Variants in ZFR observed in about 807,000 individuals in gnomAD.
ZFR encodes the protein zinc finger RNA binding protein, also known as zinc finger RNA-binding protein.
In ZFR, 19 loss-of-function variants were observed where a neutral mutation model predicts 130.7. The ratio of observed to expected loss-of-function variants is 0.15; its 90% CI spans 0.10 to 0.21. The LOEUF (loss-of-function observed/expected upper bound fraction) is 0.21, where lower values mean the gene tolerates loss of function less well. ZFR is among the 10% of genes least tolerant of loss of function. The pLI is 1.00. For synonymous variants in ZFR, 466 were observed against 456.9 expected, an observed-to-expected ratio of 1.02 and a Z score of -0.25; for missense variants, 872 against 1,321.5, an observed-to-expected ratio of 0.66 and a Z score of 5.27.
intron 17 of ZFR, among the ~76,000 whole-genome samples, chr5:32,372,344 G>T (rs1416912203): frequency 6.6e-6 from 1 of 152,138 alleles, no homozygotes; most frequent in Admixed American, 6.5e-5. Context: ...TTCATTAATT[G>T]TAACAAACAT....
chr5:32,390,114 C>T lies in ZFR; in HGVS notation c.2142+161G>A, dbSNP rs537728749. Among the ~76,000 whole-genome samples, 226 of 152,354 alleles carry T rather than the reference C, an allele frequency of 1.5e-3. 2 individuals are homozygous for T. Among genetic ancestry groups the T allele is most frequent in the African/African-American group, 5.1e-3 (211 of 41,582 alleles). On this transcript the variant is annotated intron_variant, in intron 12 of 19. Transcript: ENST00000265069. ...TACGTGCAGTGAGCCGAGATCACGC[C>T]ACTGCACTCCAGCCTGGGCGACAGA...
chr5:32,415,279 A>G, intron 4 of ZFR, 92 bp from the exon 5 acceptor site: 1 of 1,108,324 alleles, frequency 9.0e-7, no homozygotes. Flanking sequence ...GAATAGGTAC[A>G]AACATCATTA....
rs773113887 is a variant in ZFR, at chr5:32,380,071, G to A, written c.2739+4C>T. The stretch of plus-strand genomic sequence containing the variant: ...CAAGAAAAAAGTAAAATGATGTTCC[G>A]AACCTGGAACCACTTAGCGTGGCGT... On this transcript the variant is annotated splice_donor_region_variant and intron_variant, in intron 16 of 19. Transcript: ENST00000265069. 1.4e-5 allele frequency: 22 copies of A among 1,612,448 alleles called. No individual in the cohort carries two copies. Among genetic ancestry groups the A allele is most frequent in the Non-Finnish European group, 1.9e-5 (22 of 1,178,724 alleles).
intron 2 of ZFR, among the ~76,000 whole-genome samples, chr5:32,438,747 T>C (rs1308942981): frequency 6.6e-6 from 1 of 150,844 alleles, no homozygotes; most frequent in Non-Finnish European, 1.5e-5. Flanking sequence ...TATAAATATA[T>C]GATAGATATT....
chr5:32,387,848 A>G (rs1561879691), intron 13 of ZFR, 149 bp from the exon 14 acceptor site: 30 of 719,666 alleles, frequency 4.2e-5, no homozygotes, highest in Non-Finnish European at 6.4e-5. Context: ...TTTTAGAACT[A>G]TACTTCATTT....
chr5:32,379,387 G>T, intron 16 of ZFR, 177 bp from the exon 17 acceptor site: 1 of 636,872 alleles, frequency 1.6e-6, no homozygotes. Flanking sequence ...GCCAGGGTTA[G>T]TATTTAAAAG....
At chr5:32,444,582 G>T (rs1754563738) in intron 1 of ZFR, 40 bp downstream of exon 1, 3 of 1,457,568 alleles carry the variant, frequency 2.1e-6, no homozygotes, top group Non-Finnish European at 2.7e-6. Flanking sequence ...GGGCCAGGGA[G>T]GGGGCCGGGC....
intron 3 of ZFR, 54 bp from the exon 4 acceptor site, chr5:32,417,846 A>G (rs1455713758): frequency 7.6e-6 from 12 of 1,574,324 alleles, no homozygotes; most frequent in Non-Finnish European, 1.0e-5. Flanking sequence ...GAAGGAAAAA[A>G]ATACTTACTG....
rs542202662 is a variant in ZFR at position 32,357,117 on chromosome 5, G to A, written c.3046-1178C>T. On this transcript the variant is annotated intron_variant, in intron 19 of 19. Transcript: ENST00000265069. Reference sequence around the variant, plus strand: ...TCTCACTCAGCCTCCCGAGTAGCCAGGAACACAGGCTCACACCAACACACC... The same window carrying A: ...TCTCACTCAGCCTCCCGAGTAGCCAAGAACACAGGCTCACACCAACACACC... Among the ~76,000 whole-genome samples the A allele has an allele frequency of 5.9e-5, 9 of 151,864 alleles. No individual in the cohort carries two copies. In the East Asian group the frequency reaches 1.7e-3, roughly 30 times the overall value.
chr5:32,357,346 A>G (rs1398775981), intron 19 of ZFR, among the ~76,000 whole-genome samples: 1 of 152,006 alleles, frequency 6.6e-6, no homozygotes, highest in Non-Finnish European at 1.5e-5. Context: ...GCTTACTGCA[A>G]CCTCCGCCTC....
intron 6 of ZFR, among the ~76,000 whole-genome samples, chr5:32,404,767 G>A (rs1753541159): frequency 6.6e-6 from 1 of 152,186 alleles, no homozygotes; most frequent in Non-Finnish European, 1.5e-5. Context: ...TAATACGAGA[G>A]GATATTAGTA....
chr5:32,375,826 C>G (rs1222977286), intron 17 of ZFR, among the ~76,000 whole-genome samples: 1 of 149,922 alleles, frequency 6.7e-6, no homozygotes, highest in Non-Finnish European at 1.5e-5. Context: ...TTTCATCTAT[C>G]GATTTATAGT....
chr5:32,383,846 TCA>T (rs1470307080), intron 15 of ZFR: 1 of 456,128 alleles, frequency 2.2e-6, no homozygotes, highest in Non-Finnish European at 4.4e-6. Flanking sequence ...AGGAACACTA[TCA>T]GTGTTTCTAC....
chr5:32,391,630 T>G (rs976560261), intron 11 of ZFR, among the ~76,000 whole-genome samples: 1 of 151,912 alleles, frequency 6.6e-6, no homozygotes, highest in African/African-American at 2.4e-5. Flanking sequence ...GGAAACCATG[T>G]GTCTACAGCA....
chr5:32,444,236 G>GGGCCGC lies in ZFR; in HGVS notation c.124_129dup (p.Ala42_Ala43dup), dbSNP rs774859855. The GGGCCGC allele has an allele frequency of 1.0e-5, 16 of 1,590,438 alleles. No homozygotes were observed. Among genetic ancestry groups the GGGCCGC allele is most frequent in the Non-Finnish European group, 1.2e-5 (14 of 1,170,066 alleles). ...AAGGCAGGATGCCGTTACCTATATTGGGCCGCAGCCGCCGCCGCCGCCGCC... is the reference window on the plus strand; with the variant it reads ...AAGGCAGGATGCCGTTACCTATATTGGGCCGCGGCCGCAGCCGCCGCCGCCGCCGCC... On this transcript the variant is annotated inframe_insertion, in exon 2 of 20. Coordinates refer to ENST00000265069, the MANE Select transcript of ZFR (RefSeq NM_016107.5).
At chr5:32,426,574 C>G (rs1281522078) in intron 2 of ZFR, among the ~76,000 whole-genome samples, 1 of 152,122 alleles carries the variant, frequency 6.6e-6, no homozygotes, top group African/African-American at 2.4e-5. Flanking sequence ...TACTTAAGTT[C>G]CAGCCAAAGC....
chr5:32,358,361 TAAAA>T (rs1338382729), intron 19 of ZFR, among the ~76,000 whole-genome samples: 1 of 151,736 alleles, frequency 6.6e-6, no homozygotes, highest in Non-Finnish European at 1.5e-5. Context: ...TCTCAAAAAA[TAAAA>T]AAAGAAAATT....
chr5:32,437,096 T>C (rs2111868584), intron 2 of ZFR, among the ~76,000 whole-genome samples: 1 of 152,356 alleles, frequency 6.6e-6, no homozygotes, highest in Non-Finnish European at 1.5e-5. Flanking sequence ...TCCAGATATT[T>C]GTCTTGGCTC....
rs1753068865 is a variant in ZFR, at chr5:32,387,567, G to A, written c.2481C>T (p.Asn827=). 1.9e-6 allele frequency: 3 copies of A among 1,612,780 alleles called. No individual in the cohort carries two copies. The highest frequency in any genetic ancestry group is 2.5e-6 in the Non-Finnish European group (3 of 1,179,360). The change falls in exon 14 of 20, where the codon AAC becomes AAT. Residue 827 remains asparagine, a synonymous_variant. Transcript: ENST00000265069. ...TACTTACAGCAAGCTGTTTGGGTAGGTTTTCTGCAATACGGCTTAATAATG... is the reference window on the plus strand; with the variant it reads ...TACTTACAGCAAGCTGTTTGGGTAGATTTTCTGCAATACGGCTTAATAATG... ...SKTLLSRIAE[N]LPKQLAVISP...
Sources: gnomAD v4.1 joint callset for allele counts (sites outside exome capture counted in the v4.1 genomes callset) on GRCh38, gnomAD v4.1.1 for gene constraint, MANE v1.5 for transcripts, NCBI Gene and HGNC (gene_info 2026-07-23, HGNC 2026-07-21) for gene names.